Variants in CD86 observed in about 807,000 individuals in gnomAD.
The protein encoded by CD86 is CD86 molecule.
A neutral mutation model predicts 32.1 loss-of-function variants in CD86; 11 were observed. The observed-to-expected ratio is 0.34, with a 90% CI of 0.22 to 0.57. CD86 has a LOEUF of 0.57. Ranked by LOEUF, CD86 falls within the 20% of genes least tolerant of loss-of-function variation. The pLI, the probability that CD86 is intolerant of heterozygous loss-of-function variation, is 0.86. For synonymous variants in CD86, 137 were observed against 135.3 expected, an observed-to-expected ratio of 1.01 and a Z score of -0.09; for missense variants, 359 against 398.4, an observed-to-expected ratio of 0.90 and a Z score of 0.84.
At chr3:122,114,767 T>C (rs2107549458) in intron 5 of CD86, among the ~76,000 whole-genome samples, 1 of 152,314 alleles carries the variant, frequency 6.6e-6, no homozygotes, top group South Asian at 2.1e-4. Context: ...CATATGATCA[T>C]GTCAATGGAT....
At chr3:122,075,394 A>G (rs2072542305) in intron 1 of CD86, among the ~76,000 whole-genome samples, 1 of 152,258 alleles carries the variant, frequency 6.6e-6, no homozygotes, top group South Asian at 2.1e-4. Flanking sequence ...AAGGGTTTAT[A>G]TAAAAGGATA....
chr3:122,065,528 G>A (rs979612583), intron 1 of CD86, among the ~76,000 whole-genome samples: 1 of 152,170 alleles, frequency 6.6e-6, no homozygotes, highest in Non-Finnish European at 1.5e-5. Flanking sequence ...AATCCCACAT[G>A]GTAACAACTG....
At chr3:122,080,116 C>T (rs2072610691) in intron 1 of CD86, among the ~76,000 whole-genome samples, 1 of 152,036 alleles carries the variant, frequency 6.6e-6, no homozygotes, top group Non-Finnish European at 1.5e-5. Context: ...TCTCTTTGAC[C>T]ATGATGCTGT....
rs1459297407 is a variant in CD86 at position 122,055,486 on chromosome 3, C to A, written c.-4C>A. ...GATATTAGGTCACAGCAGAAGCAGC[C>A]AAAATGGATCCCCAGTGGTGAGTAA... is the stretch of plus-strand genomic sequence containing the variant. On this transcript the variant is annotated 5_prime_UTR_variant, in exon 1 of 7. Coordinates refer to ENST00000330540, the MANE Select transcript of CD86 (RefSeq NM_175862.5). 7 of 1,613,798 alleles carry A rather than the reference C, an allele frequency of 4.3e-6. No homozygotes were observed. Among genetic ancestry groups the A allele is most frequent in the Non-Finnish European group, 5.9e-6 (7 of 1,179,842 alleles).
intron 4 of CD86, among the ~76,000 whole-genome samples, chr3:122,108,592 G>A (rs1249791752): frequency 6.6e-6 from 1 of 152,146 alleles, no homozygotes; most frequent in Non-Finnish European, 1.5e-5. Flanking sequence ...CACAAAGCCT[G>A]TTTTCCAACT....
intron 1 of CD86, among the ~76,000 whole-genome samples, chr3:122,084,729 C>T (rs1267464142): frequency 1.3e-5 from 2 of 152,176 alleles, no homozygotes; most frequent in Non-Finnish European, 2.9e-5. Context: ...CAGGTAGAAG[C>T]TGTGAGGCTT....
At chr3:122,091,876 C>A (rs898140847) in intron 2 of CD86, 10 of 538,892 alleles carry the variant, frequency 1.9e-5, no homozygotes, top group Admixed American at 1.8e-4. Context: ...TGTGCTTCTT[C>A]CTCCTCTGCA....
intron 1 of CD86, among the ~76,000 whole-genome samples, chr3:122,082,473 A>AC (rs1321412962): frequency 1.3e-5 from 2 of 152,156 alleles, no homozygotes; most frequent in Non-Finnish European, 2.9e-5. Context: ...CCCTTGATAA[A>AC]CCGAATTTGT....
At chr3:122,081,598 ATTG>A (rs756707848) in intron 1 of CD86, among the ~76,000 whole-genome samples, 6 of 152,230 alleles carry the variant, frequency 3.9e-5, no homozygotes, top group Non-Finnish European at 8.8e-5. Context: ...AACCATTGTT[ATTG>A]TTAAAGGAAG....
Position 122,114,166 on chromosome 3 carries a change from G to A in CD86, c.848-3882G>A, listed in dbSNP as rs372760066. Among the ~76,000 whole-genome samples the A allele has an allele frequency of 2.1e-4, 32 of 152,090 alleles. 1 individual carries two copies. Among genetic ancestry groups the A allele is most frequent in the African/African-American group, 5.5e-4 (23 of 41,512 alleles). Reference sequence around the variant, plus strand: ...CTTGGGAGGCTGAGAGAGGAGAATCGCTTGAACCTGGGAGGCAGAGGTTGC... The same window carrying A: ...CTTGGGAGGCTGAGAGAGGAGAATCACTTGAACCTGGGAGGCAGAGGTTGC... On this transcript the variant is annotated intron_variant, in intron 5 of 6. Coordinates refer to ENST00000330540, the MANE Select transcript of CD86 (RefSeq NM_175862.5).
At chr3:122,060,070 A>G (rs2072309930) in intron 1 of CD86, among the ~76,000 whole-genome samples, 1 of 152,196 alleles carries the variant, frequency 6.6e-6, no homozygotes, top group Non-Finnish European at 1.5e-5. Context: ...CCACAGCCCC[A>G]GCAAACTAAT....
intron 3 of CD86, among the ~76,000 whole-genome samples, chr3:122,105,020 T>C (rs932793046): frequency 6.6e-6 from 1 of 152,086 alleles, no homozygotes; most frequent in Non-Finnish European, 1.5e-5. Flanking sequence ...AACCATAGAG[T>C]AAAACAGAAG....
chr3:122,057,937 C>T (rs2107493974), intron 1 of CD86, among the ~76,000 whole-genome samples: 1 of 152,332 alleles, frequency 6.6e-6, no homozygotes, highest in African/African-American at 2.4e-5. Flanking sequence ...TGAAGCCAGG[C>T]TGCTGGGGTT....
At chr3:122,117,026 T>C (rs928408605) in intron 5 of CD86, among the ~76,000 whole-genome samples, 5 of 152,228 alleles carry the variant, frequency 3.3e-5, no homozygotes, top group Non-Finnish European at 7.3e-5. Flanking sequence ...TATTTATTAA[T>C]TATACCTCCA....
chr3:122,107,540 T>C (rs1430057690), intron 4 of CD86, among the ~76,000 whole-genome samples: 1 of 152,196 alleles, frequency 6.6e-6, no homozygotes, highest in African/African-American at 2.4e-5. Context: ...TGACTCCTCT[T>C]TTAAGAAGCT....
At chr3:122,062,740 T>A (rs766024506) in intron 1 of CD86, among the ~76,000 whole-genome samples, 1 of 152,208 alleles carries the variant, frequency 6.6e-6, no homozygotes, top group Non-Finnish European at 1.5e-5. Context: ...AACTTCAGTG[T>A]CCTCTGTAAG....
chr3:122,113,342 A>G (rs1207838771), intron 5 of CD86, among the ~76,000 whole-genome samples: 6 of 152,168 alleles, frequency 3.9e-5, no homozygotes, highest in Admixed American at 3.9e-4. Flanking sequence ...TCATATAATG[A>G]ATTATTTTCC....
chr3:122,093,906 A>G (rs1432149676), intron 2 of CD86, among the ~76,000 whole-genome samples: 1 of 152,234 alleles, frequency 6.6e-6, no homozygotes, highest in Admixed American at 6.5e-5. Context: ...ACACCCAGCA[A>G]TGTAGATTTA....
At position 122,103,789 on chromosome 3, in the gene CD86, C is replaced by T. The variant is rs763707192; in HGVS notation, c.342C>T (p.His114=). The change falls in exon 3 of 7, where the codon CAC becomes CAT. Residue 114 remains histidine, a synonymous_variant. Transcript: ENST00000330540. Reference sequence around the variant, plus strand: ...GCTTGTATCAATGTATCATCCATCACAAAAAGCCCACAGGAATGATTCGCA... The same window carrying T: ...GCTTGTATCAATGTATCATCCATCATAAAAAGCCCACAGGAATGATTCGCA... The part of the protein sequence containing the change: ...DKGLYQCIIH[H]KKPTGMIRIH... 10 of 1,613,964 alleles carry T rather than the reference C, an allele frequency of 6.2e-6. No individual in the cohort carries two copies. Among genetic ancestry groups the T allele is most frequent in the Admixed American group, 3.3e-5 (2 of 59,996 alleles).
Sources: gnomAD v4.1 joint callset for allele counts (sites outside exome capture counted in the v4.1 genomes callset) on GRCh38, gnomAD v4.1.1 for gene constraint, MANE v1.5 for transcripts, NCBI Gene and HGNC (gene_info 2026-07-23, HGNC 2026-07-21) for gene names.